Variants in SESTD1 observed in about 807,000 individuals in gnomAD.
SESTD1 encodes the protein SEC14 and spectrin domain containing 1.
SESTD1 carries 43 observed loss-of-function variants against 101.7 expected under a neutral mutation model. The ratio of observed to expected loss-of-function variants is 0.42; its 90% CI spans 0.33 to 0.55. The LOEUF (loss-of-function observed/expected upper bound fraction) is 0.55. Among genes scored for constraint, SESTD1 ranks in the 20% least tolerant of loss-of-function variants. The probability of loss-of-function intolerance (pLI) is 0.07; values close to 1 mark genes in which losing one functional copy is unlikely to be tolerated. For synonymous variants in SESTD1, 283 were observed against 286.8 expected (o/e 0.99, Z 0.13); for missense variants, 647 against 815.1 (o/e 0.79, Z 2.51).
In SESTD1 at chr2:179,110,116, A is replaced by C. The variant is rs1441616541; in HGVS notation, c.1962-88T>G. 6.0e-6 allele frequency: 8 copies of C among 1,323,844 alleles called. No homozygotes were observed. In the East Asian group the frequency reaches 1.9e-4, roughly 31 times the overall value. The allele number at this position is 1,323,844 out of a possible 1,614,324, so 82.0% of individuals were successfully genotyped here. On this transcript the variant is annotated intron_variant, in intron 17 of 17. Transcript: ENST00000428443. The stretch of plus-strand genomic sequence containing the variant: ...CAAATAGAAGCAAAAATTTACCATA[A>C]AAAATCTACATGAGATAGCCTATGT...
At position 179,104,018 on chromosome 2, in the gene SESTD1, A is replaced by G. The variant is rs977755161; in HGVS notation, c.*5881T>C. ...TTAGCATCTAGGTAGTGAGTACACT[A>G]TAAAATTATTTTAACTTTTTAATGT... On this transcript the variant is annotated 3_prime_UTR_variant, in exon 18 of 18. Coordinates refer to ENST00000428443, the MANE Select transcript of SESTD1 (RefSeq NM_178123.5). The G allele has an allele frequency of 5.3e-5, 8 of 152,186 alleles. No homozygotes were observed. The highest frequency in any genetic ancestry group is 1.9e-4 in the African/African-American group (8 of 41,456). 9.4% of individuals were successfully genotyped at this position (152,186 alleles called of 1,614,324 possible).
At chr2:179,198,719 G>A (rs1008421757) in intron 1 of SESTD1, among the ~76,000 whole-genome samples, 12 of 151,878 alleles carry the variant, frequency 7.9e-5, no homozygotes, top group African/African-American at 1.2e-4. Flanking sequence ...GGTACATAAC[G>A]AAATGAAGGC....
At chr2:179,243,165 C>A (rs1382428870) in intron 1 of SESTD1, among the ~76,000 whole-genome samples, 1 of 151,690 alleles carries the variant, frequency 6.6e-6, no homozygotes, top group East Asian at 1.9e-4. Flanking sequence ...AAGCAGCCAA[C>A]AAACTTGAAA....
intron 5 of SESTD1, among the ~76,000 whole-genome samples, chr2:179,171,796 C>T (rs2045934744): frequency 6.6e-6 from 1 of 152,070 alleles, no homozygotes; most frequent in Admixed American, 6.6e-5. Flanking sequence ...TCCAAAATGT[C>T]CAGGATTTCC....
chr2:179,189,870 G>A (rs972124772), intron 2 of SESTD1, among the ~76,000 whole-genome samples: 1 of 152,016 alleles, frequency 6.6e-6, no homozygotes, highest in Non-Finnish European at 1.5e-5. Context: ...AAAGGTGAAA[G>A]ATACCTACAA....
chr2:179,240,253 A>C (rs1467230661), intron 1 of SESTD1, among the ~76,000 whole-genome samples: 16 of 152,320 alleles, frequency 1.1e-4, no homozygotes, highest in South Asian at 1.0e-3. Context: ...CAGACGAAGA[A>C]ACTTAGATGA....
At chr2:179,239,252 G>C (rs1243257257) in intron 1 of SESTD1, among the ~76,000 whole-genome samples, 3 of 152,152 alleles carry the variant, frequency 2.0e-5, no homozygotes, top group South Asian at 4.1e-4. Flanking sequence ...TTAAATCTTT[G>C]AGAGAATAAT....
chr2:179,212,613 T>C (rs1269974554), intron 1 of SESTD1, among the ~76,000 whole-genome samples: 1 of 136,020 alleles, frequency 7.4e-6, no homozygotes, highest in African/African-American at 2.9e-5. Context: ...CAAGTCCCTG[T>C]CTGACAGCTC....
At chr2:179,191,894 C>A in intron 1 of SESTD1, 28 bp from the exon 2 acceptor site, 1 of 1,423,494 alleles carries the variant, frequency 7.0e-7, no homozygotes, top group Non-Finnish European at 9.8e-7. Context: ...CAAATGTCAA[C>A]TACAAGACAA....
intron 5 of SESTD1, among the ~76,000 whole-genome samples, chr2:179,163,002 A>AG (rs1476011768): frequency 6.6e-6 from 1 of 151,972 alleles, no homozygotes; most frequent in African/African-American, 2.4e-5. Flanking sequence ...AAAAAAAAAA[A>AG]AAAGAATAAA....
intron 8 of SESTD1, among the ~76,000 whole-genome samples, chr2:179,144,848 G>A (rs559647087): frequency 4.8e-4 from 73 of 152,010 alleles, no homozygotes; most frequent in Non-Finnish European, 8.1e-4. Context: ...AATAGAAATT[G>A]TAAAAGCTTC....
chr2:179,230,656 A>C (rs999706652), intron 1 of SESTD1, among the ~76,000 whole-genome samples: 14 of 152,112 alleles, frequency 9.2e-5, no homozygotes, highest in Non-Finnish European at 1.8e-4. Flanking sequence ...TAAAAAAAAT[A>C]ATCACAGGAA....
chr2:179,145,360 G>C (rs2045371954), intron 8 of SESTD1, among the ~76,000 whole-genome samples: 1 of 151,856 alleles, frequency 6.6e-6, no homozygotes, highest in African/African-American at 2.4e-5. Flanking sequence ...ACCTATATAA[G>C]TTACTTAACG....
intron 1 of SESTD1, among the ~76,000 whole-genome samples, chr2:179,235,923 A>G (rs963096818): frequency 6.6e-6 from 1 of 152,072 alleles, no homozygotes; most frequent in Non-Finnish European, 1.5e-5. Context: ...TAACATTACT[A>G]CAATCCTTTG....
chr2:179,118,081 A>G (rs2044672859), intron 13 of SESTD1, among the ~76,000 whole-genome samples: 2 of 151,300 alleles, frequency 1.3e-5, no homozygotes, highest in East Asian at 3.9e-4. Flanking sequence ...AATGATCTTC[A>G]CATCCCAGCC....
chr2:179,114,950 C>T, intron 16 of SESTD1, 115 bp downstream of exon 16: 1 of 875,816 alleles, frequency 1.1e-6, no homozygotes. Context: ...AACAACGGAA[C>T]TAATATAAAT....
chr2:179,210,599 T>C (rs1299181063), intron 1 of SESTD1, among the ~76,000 whole-genome samples: 1 of 135,202 alleles, frequency 7.4e-6, no homozygotes, highest in Non-Finnish European at 1.6e-5. Flanking sequence ...ATCATCTCAA[T>C]AGATGCTGAA....
chr2:179,149,227 AAT>A (rs947055549), intron 7 of SESTD1, 68 bp downstream of exon 7: 4 of 1,092,436 alleles, frequency 3.7e-6, no homozygotes, highest in East Asian at 2.6e-5. Flanking sequence ...TTGCATTAAC[AAT>A]AGAGATATCT....
chr2:179,157,202 C>T (rs2045648732), intron 5 of SESTD1, among the ~76,000 whole-genome samples: 1 of 152,182 alleles, frequency 6.6e-6, no homozygotes, highest in South Asian at 2.1e-4. Context: ...CTACAAAACA[C>T]TGCTGAAAGA....
Sources: allele counts gnomAD v4.1 joint callset (sites outside exome capture counted in the v4.1 genomes callset), GRCh38; gene constraint gnomAD v4.1.1; transcripts MANE v1.5; gene names NCBI Gene and HGNC (gene_info 2026-07-23, HGNC 2026-07-21).